Variants in PCDH9 observed in about 807,000 individuals in gnomAD.
The protein encoded by PCDH9 is protocadherin 9.
In PCDH9, 24 loss-of-function variants were observed where a neutral mutation model predicts 70.6. That is an observed-to-expected ratio of 0.34 (90% CI 0.25 to 0.48). PCDH9 has a LOEUF of 0.48. PCDH9 is among the 20% of genes least tolerant of loss of function. The pLI, the probability that PCDH9 is intolerant of heterozygous loss-of-function variation, is 0.99. For synonymous variants in PCDH9, 562 were observed against 558.5 expected (o/e 1.01, Z -0.09); for missense variants, 1,281 against 1,503.6 (o/e 0.85, Z 2.45).
chr13:66,623,751 T>A (rs193274890), intron 4 of PCDH9, among the ~76,000 whole-genome samples: 1 of 152,328 alleles, frequency 6.6e-6, no homozygotes, highest in Non-Finnish European at 1.5e-5. Context: ...TACTCAGCAG[T>A]TTTAGACAAA....
chr13:67,155,100 A>T (rs2087777274), intron 2 of PCDH9, among the ~76,000 whole-genome samples: 1 of 152,064 alleles, frequency 6.6e-6, no homozygotes, highest in Non-Finnish European at 1.5e-5. Flanking sequence ...GTATTTTGTC[A>T]TTCCATCCCA....
chr13:66,323,209 T>G (rs1186751872), intron 4 of PCDH9: 2 of 151,998 alleles, frequency 1.3e-5, no homozygotes, highest in African/African-American at 4.8e-5. Flanking sequence ...AATAAGGAAA[T>G]GTACCTCTAA....
chr13:66,471,853 A>G (rs899794873), intron 4 of PCDH9, among the ~76,000 whole-genome samples: 4 of 152,144 alleles, frequency 2.6e-5, no homozygotes, highest in African/African-American at 9.7e-5. Context: ...TGATTTTCCA[A>G]TATCTGGGTT....
intron 4 of PCDH9, among the ~76,000 whole-genome samples, chr13:66,564,326 A>G (rs2076620741): frequency 6.9e-6 from 1 of 145,860 alleles, no homozygotes; most frequent in Non-Finnish European, 1.5e-5. Context: ...CACTATGCAC[A>G]GCTGATTTTT....
chr13:66,488,452 C>A (rs1208242290), intron 4 of PCDH9, among the ~76,000 whole-genome samples: 1 of 151,988 alleles, frequency 6.6e-6, no homozygotes, highest in Non-Finnish European at 1.5e-5. Flanking sequence ...GGGAAAAAAC[C>A]AAACAACATA....
intron 2 of PCDH9, chr13:67,212,891 G>A (rs1462104792): frequency 6.6e-6 from 1 of 151,986 alleles, no homozygotes; most frequent in Non-Finnish European, 1.5e-5. Context: ...AATTTACATG[G>A]ACTTTCTAGG....
At chr13:66,560,327 T>C (rs1232577587) in intron 4 of PCDH9, among the ~76,000 whole-genome samples, 3 of 152,154 alleles carry the variant, frequency 2.0e-5, no homozygotes, top group East Asian at 3.9e-4. Context: ...GGTCCCTCTA[T>C]TGCAGCACAA....
intron 2 of PCDH9, among the ~76,000 whole-genome samples, chr13:67,009,572 T>C (rs1024147706): frequency 9.2e-5 from 14 of 152,144 alleles, no homozygotes; most frequent in Middle Eastern, 3.4e-3. Context: ...TAAATTCTTT[T>C]TCATTTCTGT....
At chr13:67,047,727 A>G (rs2085249995) in intron 2 of PCDH9, among the ~76,000 whole-genome samples, 3 of 152,206 alleles carry the variant, frequency 2.0e-5, no homozygotes, top group South Asian at 4.1e-4. Context: ...CATGCCTCCA[A>G]GTTCTTGTAT....
At chr13:66,589,212 T>C (rs1017124613) in intron 4 of PCDH9, among the ~76,000 whole-genome samples, 1 of 152,064 alleles carries the variant, frequency 6.6e-6, no homozygotes, top group Non-Finnish European at 1.5e-5. Flanking sequence ...ATTTACAGAT[T>C]AGAAAGAGCC....
intron 2 of PCDH9, among the ~76,000 whole-genome samples, chr13:67,135,522 C>T (rs1004010181): frequency 1.3e-5 from 2 of 151,892 alleles, no homozygotes; most frequent in Non-Finnish European, 2.9e-5. Flanking sequence ...TCTAAAATTA[C>T]GAAGTAGAAC....
chr13:66,363,172 C>T (rs895603764), intron 4 of PCDH9, among the ~76,000 whole-genome samples: 1 of 152,104 alleles, frequency 6.6e-6, no homozygotes, highest in Non-Finnish European at 1.5e-5. Context: ...GAGCAAGACT[C>T]TCTCTCAAAA....
intron 3 of PCDH9, among the ~76,000 whole-genome samples, chr13:66,747,504 C>A (rs2079388925): frequency 6.6e-6 from 1 of 152,088 alleles, no homozygotes; most frequent in Non-Finnish European, 1.5e-5. Flanking sequence ...GATAAAGGAT[C>A]CGTTTAAGTG....
rs527379925 is a variant in PCDH9, at chr13:67,155,700, AG to A, written c.3036+69704del. Reference sequence around the variant, plus strand: ...CCTAAAGGAAATATAGAGAACACTAAGAATTGTACAAAGAGGGGTAAAACAT... The same window carrying A: ...CCTAAAGGAAATATAGAGAACACTAAAATTGTACAAAGAGGGGTAAAACAT... On this transcript the variant is annotated intron_variant, in intron 2 of 4. Transcript: ENST00000377865. Among the ~76,000 whole-genome samples, 8 of 152,260 alleles carry A rather than the reference AG, an allele frequency of 5.3e-5. No individual in the cohort carries two copies. In the East Asian group the frequency reaches 1.5e-3, roughly 29 times the overall value.
At chr13:67,142,374 A>G (rs768817046) in intron 2 of PCDH9, among the ~76,000 whole-genome samples, 7 of 152,204 alleles carry the variant, frequency 4.6e-5, no homozygotes, top group Non-Finnish European at 1.0e-4. Flanking sequence ...AACTGACTCT[A>G]TATAAAAAAC....
chr13:66,970,285 C>T (rs1007818890), intron 2 of PCDH9, among the ~76,000 whole-genome samples: 16 of 151,860 alleles, frequency 1.1e-4, no homozygotes, highest in African/African-American at 3.4e-4. Context: ...TGTGGGTCTT[C>T]GTGCATACTG....
intron 4 of PCDH9, among the ~76,000 whole-genome samples, chr13:66,427,334 A>G (rs1957688182): frequency 6.6e-6 from 1 of 151,732 alleles, no homozygotes; most frequent in Non-Finnish European, 1.5e-5. Flanking sequence ...ACAAGCAGAA[A>G]CTTATTTAAT....
chr13:67,173,092 A>C (rs992461199), intron 2 of PCDH9, among the ~76,000 whole-genome samples: 2 of 152,100 alleles, frequency 1.3e-5, no homozygotes, highest in African/African-American at 2.4e-5. Flanking sequence ...AATACCAATT[A>C]AAAAAATTTT....
chr13:66,552,893 A>T (rs1961551726), intron 4 of PCDH9, among the ~76,000 whole-genome samples: 1 of 152,148 alleles, frequency 6.6e-6, no homozygotes, highest in African/African-American at 2.4e-5. Context: ...CAGGAAATTT[A>T]CAATCATGGC....
Sources: allele counts gnomAD v4.1 joint callset (sites outside exome capture counted in the v4.1 genomes callset), GRCh38; gene constraint gnomAD v4.1.1; transcripts MANE v1.5; gene names NCBI Gene and HGNC (gene_info 2026-07-23, HGNC 2026-07-21).